The following DCAF8L2 variants were observed in gnomAD, a reference collection of about 807,000 sequenced individuals.
DCAF8L2 encodes the protein DDB1- and CUL4-associated factor 8-like protein 2.
For missense variants in DCAF8L2, 430 were observed against 490.7 expected (o/e 0.88, Z 1.17); for synonymous variants, 200 against 190.9 (o/e 1.05, Z -0.39).
At chrX:27,605,200 G>A (rs929565401) in intron 1 of DCAF8L2, among the ~76,000 whole-genome samples, 5 of 110,836 alleles carry the variant, frequency 4.5e-5, no homozygotes, top group African/African-American at 1.6e-4. Flanking sequence ...ACCAAAATGA[G>A]CCAAGATTTC....
At chrX:27,499,840 G>GA in the DCAF8L2 span, among the ~76,000 whole-genome samples, 59 of 108,524 alleles carry the variant, frequency 5.4e-4, no homozygotes, top group Non-Finnish European at 1.3e-4. Flanking sequence ...TGGTGGTGGG[G>GA]GGGGGTACAG....
At chrX:27,660,331 A>G (rs991567885) in intron 2 of DCAF8L2, among the ~76,000 whole-genome samples, 8 of 111,604 alleles carry the variant, frequency 7.2e-5, no homozygotes, top group Non-Finnish European at 1.5e-4. Flanking sequence ...GCTTATCCCT[A>G]TGTTGCTATC....
intron 3 of DCAF8L2, among the ~76,000 whole-genome samples, chrX:27,710,913 T>C (rs1448637668): frequency 8.9e-6 from 1 of 111,956 alleles, no homozygotes; most frequent in Non-Finnish European, 1.9e-5. Flanking sequence ...ATTGAGGAAG[T>C]TGTCTTCTAT....
the DCAF8L2 span, among the ~76,000 whole-genome samples, chrX:27,505,917 A>G: frequency 8.9e-6 from 1 of 112,047 alleles, no homozygotes; most frequent in Non-Finnish European, 1.9e-5. Flanking sequence ...TCACACAGCA[A>G]TAAGTAACTT....
chrX:27,579,212 G>C, the DCAF8L2 span, among the ~76,000 whole-genome samples: 1 of 111,742 alleles, frequency 8.9e-6, no homozygotes, highest in African/African-American at 3.3e-5. Context: ...ATACACCATG[G>C]AATACTATGC....
chrX:27,501,285 A>ATG, the DCAF8L2 span, among the ~76,000 whole-genome samples: 382 of 89,145 alleles, frequency 4.3e-3, 1 homozygote, highest in East Asian at 0.014. Flanking sequence ...GTGTGTGTGT[A>ATG]TGTGTGTGTG....
the DCAF8L2 span, among the ~76,000 whole-genome samples, chrX:27,478,579 C>T: frequency 2.7e-5 from 3 of 112,021 alleles, no homozygotes; most frequent in South Asian, 1.1e-3. Flanking sequence ...GTAAAATAGT[C>T]AAACTATTCT....
intron 3 of DCAF8L2, among the ~76,000 whole-genome samples, chrX:27,678,808 G>T (rs1313809280): frequency 9.0e-6 from 1 of 111,698 alleles, no homozygotes; most frequent in Non-Finnish European, 1.9e-5. Flanking sequence ...TGAACTATAT[G>T]CTTCAAAGTG....
chrX:27,562,744 G>A, the DCAF8L2 span, among the ~76,000 whole-genome samples: 1 of 111,864 alleles, frequency 8.9e-6, no homozygotes, highest in Non-Finnish European at 1.9e-5. Context: ...CACTGACCCA[G>A]CCACCAGATG....
intron 2 of DCAF8L2, among the ~76,000 whole-genome samples, chrX:27,676,022 A>AGAAAAC (rs1930128109): frequency 8.9e-6 from 1 of 112,221 alleles, no homozygotes; most frequent in South Asian, 3.7e-4. Flanking sequence ...GTAGACCAAA[A>AGAAAAC]GAAAACAAAA....
chrX:27,547,883 C>T, the DCAF8L2 span, among the ~76,000 whole-genome samples: 12 of 36,167 alleles, frequency 3.3e-4, no homozygotes, highest in Admixed American at 9.5e-4. Context: ...CTCTCTCTCT[C>T]TCTCTCTTTC....
intron 2 of DCAF8L2, among the ~76,000 whole-genome samples, chrX:27,665,887 G>A (rs940149235): frequency 4.5e-5 from 5 of 111,818 alleles, no homozygotes; most frequent in African/African-American, 1.3e-4. Context: ...ATAGCCTACA[G>A]TGTAGTGTAA....
At chrX:27,642,259 G>A (rs553275842) in intron 2 of DCAF8L2, among the ~76,000 whole-genome samples, 1 of 110,916 alleles carries the variant, frequency 9.0e-6, no homozygotes, top group Admixed American at 9.7e-5. Context: ...TTTTAAACTT[G>A]TTTTTGACTT....
At chrX:27,608,982 C>T (rs1015971862) in intron 1 of DCAF8L2, among the ~76,000 whole-genome samples, 3 of 111,050 alleles carry the variant, frequency 2.7e-5, no homozygotes, top group Non-Finnish European at 5.7e-5. Context: ...AAGGGACTCT[C>T]TTAAACTTAG....
At chrX:27,549,327 A>G in the DCAF8L2 span, among the ~76,000 whole-genome samples, 1 of 111,666 alleles carries the variant, frequency 9.0e-6, no homozygotes, top group Admixed American at 9.6e-5. Flanking sequence ...AAAATTATTG[A>G]TCACAAGTAC....
In DCAF8L2 at chrX:27,746,845, A is replaced by C; in HGVS notation, c.-51A>C. Reference sequence around the variant, plus strand: ...GGCCAACTTTCTTCCCAGAGCTTTTAGGGGCCTGGCCTTTGCAGTTCCAGA... The same window carrying C: ...GGCCAACTTTCTTCCCAGAGCTTTTCGGGGCCTGGCCTTTGCAGTTCCAGA... On this transcript the variant is annotated 5_prime_UTR_variant, in exon 5 of 5. Transcript: ENST00000451261. The C allele has an allele frequency of 8.9e-7, 1 of 1,122,613 alleles. No individual in the cohort carries two copies. The highest frequency in any genetic ancestry group is 3.0e-5 in the Admixed American group (1 of 32,808). The allele number at this position is 1,122,613 out of a possible 1,213,427, so 92.5% of individuals were successfully genotyped here.
At chrX:27,652,241 C>T (rs1292934577) in intron 2 of DCAF8L2, among the ~76,000 whole-genome samples, 1 of 111,262 alleles carries the variant, frequency 9.0e-6, no homozygotes, top group Non-Finnish European at 1.9e-5. Context: ...AGTCCTAGAA[C>T]AAGCTTTATT....
At chrX:27,637,203 CATTT>C (rs1928537736) in intron 2 of DCAF8L2, among the ~76,000 whole-genome samples, 1 of 112,008 alleles carries the variant, frequency 8.9e-6, no homozygotes, top group Non-Finnish European at 1.9e-5. Context: ...ATTAAATTAA[CATTT>C]TGGTTTAAGC....
intron 2 of DCAF8L2, among the ~76,000 whole-genome samples, chrX:27,641,603 C>T (rs1376420159): frequency 9.2e-6 from 1 of 109,079 alleles, no homozygotes; most frequent in Non-Finnish European, 1.9e-5. Context: ...TCCCGAATAG[C>T]TGGGATTCCA....
Sources: allele counts gnomAD v4.1 joint callset (sites outside exome capture counted in the v4.1 genomes callset), GRCh38; gene constraint gnomAD v4.1.1; transcripts MANE v1.5; gene names NCBI Gene and HGNC (gene_info 2026-07-23, HGNC 2026-07-21).